CEP135: variants seen among roughly 807,000 people sequenced by gnomAD.
CEP135 encodes the protein centrosomal protein of 135 kDa.
CEP135 carries 142 observed loss-of-function variants against 157.3 expected under a neutral mutation model. That is an observed-to-expected ratio of 0.90 (90% CI 0.79 to 1.04). The LOEUF (loss-of-function observed/expected upper bound fraction) is 1.04. Ranked by LOEUF, CEP135 falls within the 50% of genes least tolerant of loss-of-function variation. The pLI is 0.00. For synonymous variants in CEP135, 396 were observed against 439.8 expected, an observed-to-expected ratio of 0.90 and a Z score of 1.25; for missense variants, 1,317 against 1,309.2, an observed-to-expected ratio of 1.01 and a Z score of -0.09.
In CEP135 at chr4:55,954,315, G is replaced by C; in HGVS notation, c.404G>C (p.Ser135Thr). ...AHKLKLLEKE[S>T]KAKNERIQQL... is the part of the protein sequence containing the mutation. ...AAACTCAAACTGTTGGAGAAAGAGA[G>C]CAAAGCTAAGAATGAAAGAATTCAA... is the stretch of plus-strand genomic sequence containing the variant. The change falls in exon 4 of 26, where the codon AGC becomes ACC. Residue 135 changes from serine (S) to threonine (T), a missense_variant. Transcript: ENST00000257287. 6.2e-7 allele frequency: 1 copy of C among 1,611,156 alleles called. No individual in the cohort carries two copies. Among genetic ancestry groups the C allele is most frequent in the Non-Finnish European group, 8.5e-7 (1 of 1,178,864 alleles).
intron 14 of CEP135, among the ~76,000 whole-genome samples, chr4:55,991,688 A>G (rs1195668521): frequency 2.0e-5 from 3 of 151,938 alleles, no homozygotes; most frequent in South Asian, 4.2e-4. Flanking sequence ...CATTGCTGTT[A>G]TAGATATATT....
At chr4:55,983,038 T>C (rs1729464221) in intron 13 of CEP135, among the ~76,000 whole-genome samples, 1 of 152,198 alleles carries the variant, frequency 6.6e-6, no homozygotes, top group African/African-American at 2.4e-5. Flanking sequence ...AAGCATAGTC[T>C]TTATGTCACA....
At chr4:55,993,378 A>G (rs1185545373) in intron 15 of CEP135, among the ~76,000 whole-genome samples, 7 of 152,272 alleles carry the variant, frequency 4.6e-5, no homozygotes. Context: ...ACTTAATGAA[A>G]TAAGACCAAG....
intron 22 of CEP135, among the ~76,000 whole-genome samples, chr4:56,018,199 C>T (rs1008913061): frequency 6.6e-6 from 1 of 152,066 alleles, no homozygotes; most frequent in African/African-American, 2.4e-5. Context: ...GGGCTGGTCT[C>T]AAACTCCCAA....
chr4:56,031,636 T>G lies in CEP135; in HGVS notation c.*288T>G, dbSNP rs1206992649. On this transcript the variant is annotated 3_prime_UTR_variant, in exon 26 of 26. Transcript: ENST00000257287. ...TGAATTAAATTACTAAAAGTATGTT[T>G]ATACTGTGAATTAATATAATGTATT... is the stretch of plus-strand genomic sequence containing the variant. 6.6e-6 allele frequency: 1 copy of G among 152,276 alleles called. No homozygotes were observed. Among genetic ancestry groups the G allele is most frequent in the African/African-American group, 2.4e-5 (1 of 41,464 alleles). 9.4% of individuals were successfully genotyped at this position (152,276 alleles called of 1,614,324 possible).
chr4:56,006,754 A>G (rs1348941119), intron 17 of CEP135, among the ~76,000 whole-genome samples: 1 of 152,208 alleles, frequency 6.6e-6, no homozygotes, highest in Non-Finnish European at 1.5e-5. Context: ...TGTCAGGATC[A>G]ATCACTGGTT....
chr4:55,964,022 AAATT>A lies in CEP135; in HGVS notation c.700-249_700-246del, dbSNP rs3840498. Among the ~76,000 whole-genome samples, 104 of 152,338 alleles carry A rather than the reference AAATT, an allele frequency of 6.8e-4. 1 individual carries two copies. The East Asian group carries it at 0.018, about 27-fold the overall frequency. Reference sequence around the variant, plus strand: ...TCTTAAAGGAGGGAAAAAAATACAAAAATTAAATTAGGAAGAATCTATGTAGTAA... The same window carrying A: ...TCTTAAAGGAGGGAAAAAAATACAAAAAATTAGGAAGAATCTATGTAGTAA... On this transcript the variant is annotated intron_variant, in intron 6 of 25. Transcript: ENST00000257287.
At chr4:55,987,243 T>C (rs970763589) in intron 14 of CEP135, among the ~76,000 whole-genome samples, 15 of 152,298 alleles carry the variant, frequency 9.8e-5, no homozygotes, top group African/African-American at 3.1e-4. Context: ...CTGCATGAGC[T>C]CTGAGTATTG....
At chr4:55,995,000 T>G (rs1420026601) in intron 15 of CEP135, among the ~76,000 whole-genome samples, 1 of 152,184 alleles carries the variant, frequency 6.6e-6, no homozygotes. Flanking sequence ...ATAGTTTAAT[T>G]GTCCAAATAG....
chr4:56,017,683 CTCA>C lies in CEP135; in HGVS notation c.2842_2844del (p.Ser948del), dbSNP rs1170918610. 1 of 1,613,148 alleles carries C rather than the reference CTCA, an allele frequency of 6.2e-7. No homozygotes were observed. Among genetic ancestry groups the C allele is most frequent in the Non-Finnish European group, 8.5e-7 (1 of 1,179,822 alleles). On this transcript the variant is annotated inframe_deletion, in exon 22 of 26. Transcript: ENST00000257287. ...CCCATCATGCTTATGAATCTCAGAT[CTCA>C]TCAATGGCAAAAGCCATGTCTCGAT...
rs200700689 is a variant in CEP135, at chr4:55,974,909, A to T, written c.1413A>T (p.Arg471Ser). 12 of 1,613,246 alleles carry T rather than the reference A, an allele frequency of 7.4e-6. No homozygotes were observed. In the East Asian group the frequency reaches 2.7e-4, roughly 36 times the overall value. ...GACTCCAACATATAATACAGCGAAGATCTTGCTCTACAAGTTATAGCGCAC... is the reference window on the plus strand; with the variant it reads ...GACTCCAACATATAATACAGCGAAGTTCTTGCTCTACAAGTTATAGCGCAC... The part of the protein sequence containing the change: ...LERLQHIIQR[R>S]SCSTSYSARE... Residue 471 changes from arginine to serine, a missense_variant, in exon 11 of 26, where the codon AGA becomes AGT. Arg to Ser is a moderately radical substitution (Grantham distance 110, BLOSUM62 -1). Transcript: ENST00000257287.
rs75190707 is a variant in CEP135 at position 56,024,714 on chromosome 4, C to T, written c.*11+100C>T. Reference sequence around the variant, plus strand: ...GGAAAGGGGAGATTGCCTGGTAAGGCGTTCAGGAGAACTTCCTGGAGTAAT... The same window carrying T: ...GGAAAGGGGAGATTGCCTGGTAAGGTGTTCAGGAGAACTTCCTGGAGTAAT... On this transcript the variant is annotated intron_variant, in intron 25 of 25. Coordinates refer to ENST00000257287, the MANE Select transcript of CEP135 (RefSeq NM_025009.5). The T allele has an allele frequency of 3.7e-4, 288 of 770,458 alleles. 2 individuals carry two copies. In the East Asian group the frequency reaches 6.3e-3, roughly 17 times the overall value. The allele number at this position is 770,458 out of a possible 1,614,324, so 47.7% of individuals were successfully genotyped here.
chr4:55,988,735 A>T (rs1729686238), intron 14 of CEP135, among the ~76,000 whole-genome samples: 1 of 151,792 alleles, frequency 6.6e-6, no homozygotes, highest in African/African-American at 2.4e-5. Context: ...AGGCAGGCGA[A>T]TCATGAGGTC....
chr4:56,020,834 C>T lies in CEP135; in HGVS notation c.3320+54C>T, dbSNP rs535815669. 6.3e-6 allele frequency: 8 copies of T among 1,276,114 alleles called. No individual in the cohort carries two copies. The South Asian group carries it at 1.0e-4, about 17-fold the overall frequency. The allele number at this position is 1,276,114 out of a possible 1,614,324, so 79.0% of individuals were successfully genotyped here. On this transcript the variant is annotated intron_variant, in intron 24 of 25. Transcript: ENST00000257287. ...ATGTTTTTATGTGTTCTCTATTGTA[C>T]TTCAGAAAGTATTTAATATGGCTTT...
At chr4:55,955,321 G>C (rs1728472280) in intron 4 of CEP135, among the ~76,000 whole-genome samples, 1 of 152,204 alleles carries the variant, frequency 6.6e-6, no homozygotes, top group Non-Finnish European at 1.5e-5. Flanking sequence ...TGCAGTCAGA[G>C]TGGAATTTTG....
At chr4:55,963,302 T>G (rs953956744) in intron 6 of CEP135, among the ~76,000 whole-genome samples, 2 of 152,236 alleles carry the variant, frequency 1.3e-5, no homozygotes, top group African/African-American at 4.8e-5. Context: ...ATAATCGTAA[T>G]TAGTTTTGTC....
Position 55,953,275 on chromosome 4 carries a change from G to T in CEP135, c.304G>T (p.Glu102Ter). 3 of 1,495,584 alleles carry T rather than the reference G, an allele frequency of 2.0e-6. No individual in the cohort carries two copies. The highest frequency in any genetic ancestry group is 2.5e-5 in the East Asian group (1 of 40,074). The allele number at this position is 1,495,584 out of a possible 1,614,324, so 92.6% of individuals were successfully genotyped here. A position where few individuals can be genotyped will look rare whatever the true frequency, so the allele number is the denominator to read the frequency against. ...AGAACATTCAGACCAACACGTTAAA[G>T]GTAAGTGAAAATTTGATAATTTTTA... The part of the protein sequence containing the change: ...LREHSDQHVK[E>*]LKTSLKKCAR... The change falls in exon 3 of 26, where the codon GAG becomes TAG. Residue 102 changes from glutamate to a stop codon, truncating the protein, a stop_gained and splice_region_variant. Transcript: ENST00000257287. LOFTEE classifies it high-confidence loss of function.
rs2109655333 is a variant in CEP135 at position 55,964,399 on chromosome 4, T to A, written c.825T>A (p.Ile275=). ...TNEKLIAHLN[I]QVDFLQQANK... ...AAAAGCTTATTGCTCATTTAAATATTCAGGTAATGGCTTTTATAATTATTT... is the reference window on the plus strand; with the variant it reads ...AAAAGCTTATTGCTCATTTAAATATACAGGTAATGGCTTTTATAATTATTT... The change falls in exon 7 of 26, where the codon ATT becomes ATA. Residue 275 remains isoleucine, a synonymous_variant. Transcript: ENST00000257287. The A allele has an allele frequency of 3.7e-6, 6 of 1,600,180 alleles. No homozygotes were observed. In the South Asian group the frequency reaches 6.7e-5, roughly 18 times the overall value.
At chr4:55,957,969 T>G (rs1003319818) in intron 5 of CEP135, among the ~76,000 whole-genome samples, 3 of 152,106 alleles carry the variant, frequency 2.0e-5, no homozygotes, top group Non-Finnish European at 4.4e-5. Flanking sequence ...ATTAAGAAAA[T>G]TATAAGAGGC....
Sources: gnomAD v4.1 joint callset for allele counts (sites outside exome capture counted in the v4.1 genomes callset) on GRCh38, gnomAD v4.1.1 for gene constraint, MANE v1.5 for transcripts, NCBI Gene and HGNC (gene_info 2026-07-23, HGNC 2026-07-21) for gene names.